SMOC2: variants seen among roughly 807,000 people sequenced by gnomAD.
The protein encoded by SMOC2 is SPARC related modular calcium binding 2.
In SMOC2, 39 loss-of-function variants were observed where a neutral mutation model predicts 61.4. The observed-to-expected ratio is 0.64, with a 90% CI of 0.49 to 0.83. The LOEUF is 0.83. Among genes scored for constraint, SMOC2 ranks in the 40% least tolerant of loss-of-function variants. The probability of loss-of-function intolerance (pLI) is 0.00; values close to 1 mark genes in which losing one functional copy is unlikely to be tolerated. For synonymous variants in SMOC2, 247 were observed against 239.9 expected, an observed-to-expected ratio of 1.03 and a Z score of -0.27; for missense variants, 556 against 592.9, an observed-to-expected ratio of 0.94 and a Z score of 0.65.
At chr6:168,483,914 G>A (rs751182104) in intron 1 of SMOC2, among the ~76,000 whole-genome samples, 1 of 152,134 alleles carries the variant, frequency 6.6e-6, no homozygotes, top group Non-Finnish European at 1.5e-5. Context: ...TTGGACCTTT[G>A]CCTAACATCA....
intron 7 of SMOC2, among the ~76,000 whole-genome samples, chr6:168,551,716 A>C (rs1295009760): frequency 6.6e-6 from 1 of 152,190 alleles, no homozygotes; most frequent in East Asian, 1.9e-4. Context: ...AGCCTCCCAA[A>C]GTGCTGAGAT....
chr6:168,511,443 A>G (rs960450394), intron 2 of SMOC2, among the ~76,000 whole-genome samples: 1 of 152,174 alleles, frequency 6.6e-6, no homozygotes, highest in Admixed American at 6.5e-5. Flanking sequence ...AGAACTCACT[A>G]TGATGAGAAT....
Position 168,549,778 on chromosome 6 carries a change from G to A in SMOC2, c.637+575G>A, listed in dbSNP as rs191147677. ...ATCACCGGCATATATTTTTAAATTC[G>A]GCATTTTAAAATTAAATTTTCTAAA... On this transcript the variant is annotated intron_variant, in intron 7 of 12. Transcript: ENST00000356284. Among the ~76,000 whole-genome samples, 11 of 151,956 alleles carry A rather than the reference G, an allele frequency of 7.2e-5. No individual in the cohort carries two copies. In the East Asian group the frequency reaches 1.9e-3, roughly 27 times the overall value.
intron 1 of SMOC2, among the ~76,000 whole-genome samples, chr6:168,497,645 A>G (rs1322974740): frequency 6.6e-6 from 1 of 152,140 alleles, no homozygotes; most frequent in East Asian, 1.9e-4. Flanking sequence ...CATTCATGGG[A>G]CCAATCCCCG....
intron 7 of SMOC2, among the ~76,000 whole-genome samples, chr6:168,581,812 A>G (rs958865039): frequency 3.3e-5 from 5 of 151,482 alleles, no homozygotes; most frequent in Non-Finnish European, 4.4e-5. Context: ...TCCCTTCCTC[A>G]TTGACCGGGG....
rs771390129 is a variant in SMOC2, at chr6:168,653,153, A to G, written c.1210A>G (p.Ile404Val). The G allele has an allele frequency of 5.9e-5, 95 of 1,614,204 alleles. 1 individual carries two copies. The East Asian group carries it at 1.4e-3, about 24-fold the overall frequency. Residue 404 changes from isoleucine (I) to valine (V), a missense_variant, in exon 11 of 13, where the codon ATC becomes GTC. By Grantham distance (29) the Ile-to-Val change is conservative. Transcript: ENST00000356284. ...EYCDVNNDKSISVQELMGCLG... is the reference protein window; with the variant it reads ...EYCDVNNDKSVSVQELMGCLG... ...CTGTGACGTGAATAATGACAAATCCATCTCCGTACAAGAACTGATGGGCTG... is the reference window on the plus strand; with the variant it reads ...CTGTGACGTGAATAATGACAAATCCGTCTCCGTACAAGAACTGATGGGCTG...
chr6:168,577,570 T>C lies in SMOC2; in HGVS notation c.638-21248T>C, dbSNP rs566320030. Among the ~76,000 whole-genome samples the C allele has an allele frequency of 2.0e-4, 31 of 152,340 alleles. 1 individual carries two copies. In the South Asian group the frequency reaches 6.0e-3, roughly 30 times the overall value. On this transcript the variant is annotated intron_variant, in intron 7 of 12. Coordinates refer to ENST00000356284, the MANE Select transcript of SMOC2 (RefSeq NM_001166412.2). ...GCATGGGAAATGCTTTATACACATG[T>C]CCCAGCCTTGCTAAGATCGCCAGTG...
At chr6:168,567,801 T>A (rs1447860100) in intron 7 of SMOC2, among the ~76,000 whole-genome samples, 2 of 152,044 alleles carry the variant, frequency 1.3e-5, no homozygotes, top group African/African-American at 4.8e-5. Context: ...ATTTAGTGCG[T>A]CTTCTCTTCA....
Position 168,603,711 on chromosome 6 carries a change from G to GA in SMOC2, c.825-4433dup, listed in dbSNP as rs200485227. 2.0e-3 allele frequency among the ~76,000 whole-genome samples: 234 copies of GA among 118,928 alleles called. 1 individual carries two copies. Among genetic ancestry groups the GA allele is most frequent in the East Asian group, 0.013 (54 of 4,246 alleles). 78.0% of individuals were successfully genotyped at this position (118,928 alleles called of 152,430 possible). ...TGGTATAATGTCAAATGCTCTGGAGGAAAAAAAAAAAAACCAGTAATCCAC... is the reference window on the plus strand; with the variant it reads ...TGGTATAATGTCAAATGCTCTGGAGGAAAAAAAAAAAAAACCAGTAATCCAC... On this transcript the variant is annotated intron_variant, in intron 8 of 12. Coordinates refer to ENST00000356284, the MANE Select transcript of SMOC2 (RefSeq NM_001166412.2).
At chr6:168,537,657 G>C (rs540809917) in intron 4 of SMOC2, among the ~76,000 whole-genome samples, 1 of 152,244 alleles carries the variant, frequency 6.6e-6, no homozygotes, top group Admixed American at 6.5e-5. Flanking sequence ...CAGGCCTGGA[G>C]CCCCTAAGAA....
At chr6:168,532,880 G>T (rs1783644447) in intron 4 of SMOC2, among the ~76,000 whole-genome samples, 1 of 152,212 alleles carries the variant, frequency 6.6e-6, no homozygotes. Flanking sequence ...TTCCGACAGA[G>T]TGGACATCTT....
At chr6:168,666,288 C>T (rs1787659772) in intron 12 of SMOC2, 133 bp from the exon 13 acceptor site, 1 of 604,308 alleles carries the variant, frequency 1.7e-6, no homozygotes, top group Non-Finnish European at 2.8e-6. Context: ...GTTTCTTACT[C>T]ATACTTACAC....
At position 168,608,202 on chromosome 6, in the gene SMOC2, CAAA is replaced by C; in HGVS notation, c.871_873del (p.Lys291del). The C allele has an allele frequency of 1.2e-6, 2 of 1,613,798 alleles. No homozygotes were observed. Among genetic ancestry groups the C allele is most frequent in the Non-Finnish European group, 1.7e-6 (2 of 1,179,934 alleles). Reference sequence around the variant, plus strand: ...ACAACACGGCCAGGGCCCACCCAGCCAAAGCCCGGGACCTGTACAAGGGCCGCC... The same window carrying C: ...ACAACACGGCCAGGGCCCACCCAGCCGCCCGGGACCTGTACAAGGGCCGCC... On this transcript the variant is annotated inframe_deletion, in exon 9 of 13. Transcript: ENST00000356284.
Position 168,535,998 on chromosome 6 carries a change from C to T in SMOC2, c.464-7627C>T, listed in dbSNP as rs1783723644. On this transcript the variant is annotated intron_variant, in intron 4 of 12. Coordinates refer to ENST00000356284, the MANE Select transcript of SMOC2 (RefSeq NM_001166412.2). The surrounding 1 kb of genome is among the most constrained non-coding windows in gnomAD (Gnocchi z 4.6). ...GGGGCCCGGCCGTTCTCTCTGGATT[C>T]TGGCTCGAATTTTCACACGTGCCAA... Among the ~76,000 whole-genome samples the T allele has an allele frequency of 6.6e-6, 1 of 152,248 alleles. No homozygotes were observed. The highest frequency in any genetic ancestry group is 2.1e-4 in the South Asian group (1 of 4,836).
At chr6:168,541,718 G>C (rs528127523) in intron 4 of SMOC2, among the ~76,000 whole-genome samples, 113 of 152,290 alleles carry the variant, frequency 7.4e-4, no homozygotes, top group African/African-American at 2.5e-3. Context: ...CACGGAGCAG[G>C]TTATCAAGGG....
chr6:168,598,597 G>A (rs1785388496), intron 7 of SMOC2, among the ~76,000 whole-genome samples: 1 of 152,196 alleles, frequency 6.6e-6, no homozygotes, highest in Admixed American at 6.5e-5. Flanking sequence ...TGGGTATGCT[G>A]TTGAGAGATC....
At chr6:168,652,904 G>A in intron 10 of SMOC2, 50 bp from the exon 11 acceptor site, 1 of 1,574,642 alleles carries the variant, frequency 6.4e-7, no homozygotes, top group Non-Finnish European at 8.6e-7. Flanking sequence ...TGGCCAGGAA[G>A]GAGCAGCCCA....
At chr6:168,495,416 G>A (rs1782564190) in intron 1 of SMOC2, among the ~76,000 whole-genome samples, 1 of 152,190 alleles carries the variant, frequency 6.6e-6, no homozygotes, top group Non-Finnish European at 1.5e-5. Context: ...CGCTTCCAGA[G>A]CTCCAACATT....
At chr6:168,502,245 A>C (rs980836972) in intron 1 of SMOC2, among the ~76,000 whole-genome samples, 2 of 152,240 alleles carry the variant, frequency 1.3e-5, no homozygotes, top group Admixed American at 1.3e-4. Context: ...GTGCACTATC[A>C]CATTTTGTTT....
Sources: gnomAD v4.1 joint callset for allele counts (sites outside exome capture counted in the v4.1 genomes callset) on GRCh38, gnomAD v4.1.1 for gene constraint, Gnocchi (gnomAD v3.1) non-coding constraint, MANE v1.5 for transcripts, NCBI Gene and HGNC (gene_info 2026-07-23, HGNC 2026-07-21) for gene names.